NRXN3: variants seen among roughly 807,000 people sequenced by gnomAD.
NRXN3 encodes neurexin 3.
In NRXN3, 32 loss-of-function variants were observed where a neutral mutation model predicts 137.6. The observed-to-expected ratio is 0.23, with a 90% CI of 0.18 to 0.31. The LOEUF (loss-of-function observed/expected upper bound fraction) is 0.31. NRXN3 is among the 10% of genes least tolerant of loss of function. The pLI, the probability that NRXN3 is intolerant of heterozygous loss-of-function variation, is 1.00. For missense variants in NRXN3, 1,574 were observed against 2,062.5 expected (o/e 0.76, Z 4.59); for synonymous variants, 798 against 784.5 (o/e 1.02, Z -0.29).
intron 15 of NRXN3, among the ~76,000 whole-genome samples, chr14:79,267,002 C>T (rs762969303): frequency 3.3e-5 from 5 of 152,122 alleles, no homozygotes; most frequent in Non-Finnish European, 7.4e-5. Flanking sequence ...ACTTAACTAT[C>T]ATATATATAA....
At chr14:78,239,984 G>A (rs1226066653) in intron 1 of NRXN3, among the ~76,000 whole-genome samples, 1 of 152,198 alleles carries the variant, frequency 6.6e-6, no homozygotes, top group African/African-American at 2.4e-5. Flanking sequence ...GATTACAGGC[G>A]CAAGCCACCG....
intron 4 of NRXN3, among the ~76,000 whole-genome samples, chr14:78,628,239 A>G (rs1172495221): frequency 2.0e-5 from 3 of 151,982 alleles, no homozygotes; most frequent in African/African-American, 7.2e-5. Context: ...TGCCCAGATA[A>G]TCTTTTTATT....
intron 4 of NRXN3, among the ~76,000 whole-genome samples, chr14:78,473,714 G>A (rs2095326554): frequency 6.6e-6 from 1 of 152,228 alleles, no homozygotes; most frequent in African/African-American, 2.4e-5. Context: ...TCATAGTAAA[G>A]ATGATAGCAA....
intron 19 of NRXN3, among the ~76,000 whole-genome samples, chr14:79,775,109 G>T (rs1030706266): frequency 1.4e-4 from 21 of 152,100 alleles, no homozygotes; most frequent in South Asian, 1.2e-3. Context: ...GATCTGGGGT[G>T]GTACTATGGT....
intron 4 of NRXN3, among the ~76,000 whole-genome samples, chr14:78,641,889 A>G (rs569348249): frequency 9.7e-4 from 148 of 152,264 alleles, no homozygotes; most frequent in African/African-American, 3.5e-3. Flanking sequence ...GTTCTTATTT[A>G]TTTATGGTGA....
chr14:79,591,415 C>G (rs767563053), intron 16 of NRXN3, among the ~76,000 whole-genome samples: 14 of 152,136 alleles, frequency 9.2e-5, no homozygotes, highest in Non-Finnish European at 2.1e-4. Context: ...AATATCCGTA[C>G]AAAGAGTTAT....
intron 4 of NRXN3, among the ~76,000 whole-genome samples, chr14:78,462,489 A>C (rs2094950963): frequency 6.6e-6 from 1 of 152,174 alleles, no homozygotes; most frequent in Non-Finnish European, 1.5e-5. Context: ...CATAAACTGC[A>C]ATGAGGAAAG....
At chr14:79,790,280 T>TGAGAGAGG (rs1487167671) in intron 19 of NRXN3, among the ~76,000 whole-genome samples, 3 of 151,668 alleles carry the variant, frequency 2.0e-5, no homozygotes. Flanking sequence ...TGTCACATGG[T>TGAGAGAGG]GAGAGAGGGA....
chr14:78,392,884 A>G (rs558089434), intron 4 of NRXN3, among the ~76,000 whole-genome samples: 79 of 152,276 alleles, frequency 5.2e-4, no homozygotes, highest in South Asian at 1.7e-3. Flanking sequence ...TTCCTTTTGC[A>G]GGCCCAAAGT....
chr14:79,646,909 T>A (rs1331519243), intron 16 of NRXN3, among the ~76,000 whole-genome samples: 1 of 135,876 alleles, frequency 7.4e-6, no homozygotes, highest in Non-Finnish European at 1.7e-5. Context: ...AGGGCTTTTC[T>A]TCCTGGGCTG....
intron 15 of NRXN3, among the ~76,000 whole-genome samples, chr14:79,416,366 C>T (rs1284324687): frequency 3.3e-5 from 5 of 152,084 alleles, no homozygotes; most frequent in African/African-American, 1.2e-4. Context: ...CATTCATCCT[C>T]ACAATTGATT....
chr14:79,801,583 C>G (rs1287180703), intron 19 of NRXN3, among the ~76,000 whole-genome samples: 2 of 152,040 alleles, frequency 1.3e-5, no homozygotes, highest in Non-Finnish European at 2.9e-5. Flanking sequence ...CTTTCTGAAT[C>G]TACGTAGAGG....
At chr14:78,908,670 A>G (rs1460840964) in intron 10 of NRXN3, among the ~76,000 whole-genome samples, 1 of 152,126 alleles carries the variant, frequency 6.6e-6, no homozygotes, top group Non-Finnish European at 1.5e-5. Flanking sequence ...ATGTCTGAAC[A>G]GGATCTAGTT....
At chr14:79,349,275 C>T (rs1304398440) in intron 15 of NRXN3, among the ~76,000 whole-genome samples, 1 of 151,680 alleles carries the variant, frequency 6.6e-6, no homozygotes, top group African/African-American at 2.4e-5. Context: ...AGAGACCTTA[C>T]TTTTGTAAGG....
intron 15 of NRXN3, among the ~76,000 whole-genome samples, chr14:79,456,460 C>T (rs2096258019): frequency 6.6e-6 from 1 of 152,170 alleles, no homozygotes; most frequent in African/African-American, 2.4e-5. Context: ...GGCACAGTGG[C>T]TCATGCTTAT....
intron 4 of NRXN3, among the ~76,000 whole-genome samples, chr14:78,365,678 G>A (rs2085823746): frequency 6.6e-6 from 1 of 152,192 alleles, no homozygotes; most frequent in Non-Finnish European, 1.5e-5. Context: ...AAAAAATGTG[G>A]AGACTAATTT....
At chr14:78,786,814 A>T (rs2098790536) in intron 8 of NRXN3, among the ~76,000 whole-genome samples, 1 of 152,116 alleles carries the variant, frequency 6.6e-6, no homozygotes, top group Non-Finnish European at 1.5e-5. Flanking sequence ...CTGATTTTGG[A>T]AGCAGGATTC....
chr14:79,190,166 C>T (rs1349142914), intron 15 of NRXN3, among the ~76,000 whole-genome samples: 1 of 152,036 alleles, frequency 6.6e-6, no homozygotes, highest in East Asian at 1.9e-4. Flanking sequence ...ATATTCTTGT[C>T]ATGGAGACAT....
intron 1 of NRXN3, among the ~76,000 whole-genome samples, chr14:78,239,024 C>T (rs544443608): frequency 1.3e-5 from 2 of 152,338 alleles, no homozygotes; most frequent in Non-Finnish European, 2.9e-5. Flanking sequence ...TCCAGAGAGG[C>T]ATGGGGGTTC....
Sources: allele counts gnomAD v4.1 joint callset (sites outside exome capture counted in the v4.1 genomes callset), GRCh38; gene constraint gnomAD v4.1.1; transcripts MANE v1.5; gene names NCBI Gene and HGNC (gene_info 2026-07-23, HGNC 2026-07-21).